CNTN5: variants seen among roughly 807,000 people sequenced by gnomAD.
CNTN5 encodes contactin 5, also known as contactin-5.
CNTN5 carries 77 observed loss-of-function variants against 129.1 expected under a neutral mutation model. That is an observed-to-expected ratio of 0.60 (90% CI 0.50 to 0.72). The LOEUF (loss-of-function observed/expected upper bound fraction) is 0.72. CNTN5 is among the 30% of genes least tolerant of loss of function. CNTN5 has a pLI of 0.00. For synonymous variants in CNTN5, 509 were observed against 465.6 expected (o/e 1.09, Z -1.20); for missense variants, 1,478 against 1,328.8 (o/e 1.11, Z -1.75).
At chr11:99,128,264 C>T (rs1050600404) in intron 1 of CNTN5, among the ~76,000 whole-genome samples, 2 of 152,170 alleles carry the variant, frequency 1.3e-5, no homozygotes, top group African/African-American at 4.8e-5. Flanking sequence ...GGAGGGGTGA[C>T]CGCCACTACT....
intron 2 of CNTN5, among the ~76,000 whole-genome samples, chr11:99,336,093 G>T (rs1866211509): frequency 1.3e-5 from 2 of 152,048 alleles, no homozygotes; most frequent in African/African-American, 4.8e-5. Context: ...TTTATCGGAG[G>T]GGTATGTTTG....
chr11:100,034,981 A>G (rs1241020066), intron 9 of CNTN5, among the ~76,000 whole-genome samples: 4 of 151,808 alleles, frequency 2.6e-5, no homozygotes, highest in Non-Finnish European at 4.4e-5. Context: ...TTTAAATTTT[A>G]TTATTATACT....
intron 2 of CNTN5, among the ~76,000 whole-genome samples, chr11:99,490,146 C>A (rs1945978621): frequency 6.6e-6 from 1 of 151,962 alleles, no homozygotes; most frequent in South Asian, 2.1e-4. Flanking sequence ...TATGCTTATA[C>A]CTTACAAATA....
chr11:99,175,991 T>A (rs977414334), intron 1 of CNTN5, among the ~76,000 whole-genome samples: 18 of 152,356 alleles, frequency 1.2e-4, no homozygotes, highest in African/African-American at 4.3e-4. Flanking sequence ...TCCATGGTTC[T>A]AGCAATTATT....
chr11:99,957,349 G>A (rs1393170813), intron 8 of CNTN5, among the ~76,000 whole-genome samples: 1 of 152,112 alleles, frequency 6.6e-6, no homozygotes, highest in Non-Finnish European at 1.5e-5. Context: ...TGAATTGCAA[G>A]CATTTTATGG....
intron 13 of CNTN5, among the ~76,000 whole-genome samples, chr11:100,149,893 CAA>C (rs36016957): frequency 7.7e-5 from 9 of 117,076 alleles, no homozygotes; most frequent in Admixed American, 9.2e-5. Flanking sequence ...GACTCCATCT[CAA>C]AAAAAAAAAA....
intron 4 of CNTN5, among the ~76,000 whole-genome samples, chr11:99,827,816 G>A (rs1256085790): frequency 1.3e-5 from 2 of 152,144 alleles, no homozygotes; most frequent in Non-Finnish European, 2.9e-5. Flanking sequence ...CTTTCTGAAT[G>A]TTTGTGACGC....
At chr11:99,463,238 A>G (rs908370501) in intron 2 of CNTN5, among the ~76,000 whole-genome samples, 1 of 151,116 alleles carries the variant, frequency 6.6e-6, no homozygotes, top group African/African-American at 2.4e-5. Flanking sequence ...GGAGATCGAG[A>G]CCATCCTGGC....
chr11:99,222,609 C>T (rs1860454157), intron 1 of CNTN5, among the ~76,000 whole-genome samples: 2 of 152,102 alleles, frequency 1.3e-5, no homozygotes, highest in South Asian at 4.2e-4. Flanking sequence ...CATTTATAAA[C>T]CATTGCATTT....
intron 3 of CNTN5, among the ~76,000 whole-genome samples, chr11:99,727,425 T>C (rs1040531711): frequency 5.9e-5 from 9 of 151,902 alleles, no homozygotes; most frequent in African/African-American, 2.2e-4. Flanking sequence ...AAATCTCTTT[T>C]GTTTCTGATA....
intron 2 of CNTN5, among the ~76,000 whole-genome samples, chr11:99,373,578 T>C (rs1024632915): frequency 3.3e-5 from 5 of 151,914 alleles, no homozygotes; most frequent in South Asian, 2.1e-4. Flanking sequence ...CTGGGCGTGG[T>C]GATGCATGCC....
intron 3 of CNTN5, among the ~76,000 whole-genome samples, chr11:99,578,837 G>C (rs1000045556): frequency 6.6e-6 from 1 of 152,138 alleles, no homozygotes; most frequent in Admixed American, 6.5e-5. Context: ...AGTTTAATTA[G>C]ATCCCATTTG....
intron 12 of CNTN5, 93 bp from the exon 13 acceptor site, chr11:100,074,051 C>T: frequency 8.3e-7 from 1 of 1,205,538 alleles, no homozygotes; most frequent in Non-Finnish European, 1.2e-6. Flanking sequence ...AGAAATGCCT[C>T]CCAGAAGAAA....
intron 9 of CNTN5, among the ~76,000 whole-genome samples, chr11:100,037,078 C>G (rs1334844591): frequency 1.3e-5 from 2 of 152,064 alleles, no homozygotes; most frequent in Non-Finnish European, 2.9e-5. Context: ...CAGTTTTTGC[C>G]CATTCACTAT....
chr11:100,049,013 C>A (rs1343087746), intron 9 of CNTN5, among the ~76,000 whole-genome samples: 1 of 151,940 alleles, frequency 6.6e-6, no homozygotes, highest in African/African-American at 2.4e-5. Flanking sequence ...AAAATAAAGA[C>A]ATTTTTAGCT....
At chr11:99,255,822 G>T (rs201106613) in intron 1 of CNTN5, among the ~76,000 whole-genome samples, 4 of 149,190 alleles carry the variant, frequency 2.7e-5, no homozygotes, top group African/African-American at 9.8e-5. Flanking sequence ...ACACGCACAC[G>T]CACACACATG....
At chr11:99,631,347 A>G (rs680485) in intron 3 of CNTN5, among the ~76,000 whole-genome samples, 92,596 of 151,870 alleles carry the variant, frequency 0.61, 29,106 homozygotes, top group Admixed American at 0.73. Context: ...TGTAATATCA[A>G]CCTGTATAGT....
chr11:99,803,526 T>C (rs1946177318), intron 3 of CNTN5, among the ~76,000 whole-genome samples: 1 of 152,236 alleles, frequency 6.6e-6, no homozygotes, highest in African/African-American at 2.4e-5. Flanking sequence ...AGATTAAAAA[T>C]GGCATCCTGC....
chr11:99,198,027 G>A (rs935308394), intron 1 of CNTN5, among the ~76,000 whole-genome samples: 13 of 151,978 alleles, frequency 8.6e-5, no homozygotes, highest in Admixed American at 5.9e-4. Flanking sequence ...ATGAGAATTC[G>A]CTGGTATCTT....
Sources: gnomAD v4.1 joint callset for allele counts (sites outside exome capture counted in the v4.1 genomes callset) on GRCh38, gnomAD v4.1.1 for gene constraint, MANE v1.5 for transcripts, NCBI Gene and HGNC (gene_info 2026-07-23, HGNC 2026-07-21) for gene names.